The following FBXL2 variants were observed in gnomAD, a reference collection of about 807,000 sequenced individuals.
FBXL2 encodes F-box and leucine rich repeat protein 2.
In FBXL2, 38 loss-of-function variants were observed where a neutral mutation model predicts 69.2. That is an observed-to-expected ratio of 0.55 (90% CI 0.42 to 0.72). The LOEUF is 0.72. FBXL2 is among the 30% of genes least tolerant of loss of function. The probability of loss-of-function intolerance (pLI) is 0.00; values close to 1 mark genes in which losing one functional copy is unlikely to be tolerated. For synonymous variants in FBXL2, 192 were observed against 201.3 expected (o/e 0.95, Z 0.39); for missense variants, 354 against 520.3 (o/e 0.68, Z 3.11).
chr3:33,355,821 G>A (rs981052606), intron 2 of FBXL2, among the ~76,000 whole-genome samples: 1 of 152,166 alleles, frequency 6.6e-6, no homozygotes, highest in Non-Finnish European at 1.5e-5. Flanking sequence ...CACTCATGTC[G>A]CTATCTCCGT....
chr3:33,407,036 C>T (rs1257668768), downstream of FBXL2, among the ~76,000 whole-genome samples: 1 of 152,160 alleles, frequency 6.6e-6, no homozygotes, highest in Non-Finnish European at 1.5e-5. Context: ...AAATGTTGGC[C>T]TTCCTTTGTA....
chr3:33,409,375 A>C, the FBXL2 span: 2 of 1,613,940 alleles, frequency 1.2e-6, no homozygotes, highest in East Asian at 2.2e-5. Flanking sequence ...TATTTCATCT[A>C]TCAGGCTGCA....
intron 4 of FBXL2, among the ~76,000 whole-genome samples, chr3:33,362,437 A>G (rs2041688934): frequency 6.6e-6 from 1 of 152,208 alleles, no homozygotes; most frequent in Non-Finnish European, 1.5e-5. Context: ...TCTAGTAGAT[A>G]AGACACAGAG....
chr3:33,338,070 C>T (rs1296569690), intron 2 of FBXL2, among the ~76,000 whole-genome samples: 1 of 152,108 alleles, frequency 6.6e-6, no homozygotes, highest in Non-Finnish European at 1.5e-5. Context: ...TTATTCCTAT[C>T]AAAATGCTAA....
At chr3:33,293,631 T>C (rs1355788038) in intron 1 of FBXL2, among the ~76,000 whole-genome samples, 1 of 147,792 alleles carries the variant, frequency 6.8e-6, no homozygotes, top group African/African-American at 2.4e-5. Flanking sequence ...CTATTCTAAT[T>C]GCTAGAAAGT....
chr3:33,303,171 C>G (rs1283551056), intron 2 of FBXL2: 1 of 456,566 alleles, frequency 2.2e-6, no homozygotes, highest in East Asian at 6.9e-5. Context: ...GTAAGATGCT[C>G]TTTTGGGGGT....
Position 33,387,818 on chromosome 3 carries a change from C to T in FBXL2, c.*2210C>T, listed in dbSNP as rs1405920674. On this transcript the variant is annotated 3_prime_UTR_variant, in exon 15 of 15. Transcript: ENST00000484457. ...GCACGGTGGCTCACGCCTGTAATCC[C>T]AGCACTTTGGGAGGCAGAGGCGGGC... 6.6e-6 allele frequency: 1 copy of T among 152,192 alleles called. No homozygotes were observed. The highest frequency in any genetic ancestry group is 1.5e-5 in the Non-Finnish European group (1 of 68,174). 9.4% of individuals were successfully genotyped at this position (152,192 alleles called of 1,614,324 possible).
intron 1 of FBXL2, among the ~76,000 whole-genome samples, chr3:33,283,569 A>C (rs530354743): frequency 9.7e-4 from 148 of 152,294 alleles, no homozygotes; most frequent in African/African-American, 3.5e-3. Context: ...TCATAAAATG[A>C]GTTAGGGAGG....
intron 1 of FBXL2, among the ~76,000 whole-genome samples, chr3:33,284,052 A>G (rs935212064): frequency 6.6e-6 from 1 of 151,920 alleles, no homozygotes; most frequent in Non-Finnish European, 1.5e-5. Flanking sequence ...TATCTCCTTC[A>G]GTTCTGCTCT....
chr3:33,420,008 T>C, the FBXL2 span, among the ~76,000 whole-genome samples: 1 of 152,156 alleles, frequency 6.6e-6, no homozygotes, highest in Non-Finnish European at 1.5e-5. Flanking sequence ...AGTTGAAAAA[T>C]ATAACTGTTG....
intron 5 of FBXL2, among the ~76,000 whole-genome samples, chr3:33,365,108 A>G (rs1045599295): frequency 6.6e-6 from 1 of 152,204 alleles, no homozygotes; most frequent in African/African-American, 2.4e-5. Context: ...ACCTTTATAT[A>G]TAAATTTTAC....
chr3:33,342,404 A>AT (rs1335945389), intron 2 of FBXL2, among the ~76,000 whole-genome samples: 1 of 151,548 alleles, frequency 6.6e-6, no homozygotes, highest in African/African-American at 2.4e-5. Flanking sequence ...AAGAAAAAAC[A>AT]TTAAGACTTG....
chr3:33,373,656 G>A lies in FBXL2; in HGVS notation c.534G>A (p.Val178=). The part of the protein sequence containing the change: ...QITKDGIEAL[V]RGCRGLKALL... ...CGAAGGATGGCATCGAGGCACTGGT[G>A]CGAGGTTGTCGAGGCCTGAAAGCCC... The change falls in exon 8 of 15, where the codon GTG becomes GTA. Residue 178 remains valine (V), a synonymous_variant. Transcript: ENST00000484457. 2 of 1,614,178 alleles carry A rather than the reference G, an allele frequency of 1.2e-6. No homozygotes were observed. Among genetic ancestry groups the A allele is most frequent in the Non-Finnish European group, 1.7e-6 (2 of 1,180,030 alleles).
At chr3:33,384,299 G>A (rs2043264635) in intron 14 of FBXL2, 98 bp downstream of exon 14, 13 of 1,193,626 alleles carry the variant, frequency 1.1e-5, no homozygotes, top group Middle Eastern at 2.7e-4. Flanking sequence ...GGTGGCTCAC[G>A]CCTGTAATCC....
intron 5 of FBXL2, among the ~76,000 whole-genome samples, chr3:33,366,947 T>A (rs1351179569): frequency 6.6e-6 from 1 of 152,090 alleles, no homozygotes; most frequent in Non-Finnish European, 1.5e-5. Flanking sequence ...CAAAAATAAA[T>A]AAATTAAATA....
At chr3:33,326,382 A>G (rs555722393) in intron 2 of FBXL2, among the ~76,000 whole-genome samples, 116 of 152,206 alleles carry the variant, frequency 7.6e-4, no homozygotes, top group Non-Finnish European at 1.4e-3. Flanking sequence ...AGGCACCTGT[A>G]GTCCCAGCTA....
intron 2 of FBXL2, among the ~76,000 whole-genome samples, chr3:33,350,655 C>CT (rs1445563039): frequency 6.6e-6 from 1 of 151,988 alleles, no homozygotes; most frequent in Non-Finnish European, 1.5e-5. Context: ...AGGCTAGTCT[C>CT]AAACTCCTGA....
chr3:33,414,280 G>C, the FBXL2 span: 2 of 152,114 alleles, frequency 1.3e-5, no homozygotes, highest in Non-Finnish European at 2.9e-5. Flanking sequence ...GAAAAAGAAA[G>C]AGAGGGAGGA....
chr3:33,319,375 A>G (rs1006283246), intron 2 of FBXL2, among the ~76,000 whole-genome samples: 1 of 152,200 alleles, frequency 6.6e-6, no homozygotes, highest in Admixed American at 6.5e-5. Flanking sequence ...GTAATTCATC[A>G]AGTGGATGTA....
Sources: gnomAD v4.1 joint callset for allele counts (sites outside exome capture counted in the v4.1 genomes callset) on GRCh38, gnomAD v4.1.1 for gene constraint, MANE v1.5 for transcripts, NCBI Gene and HGNC (gene_info 2026-07-23, HGNC 2026-07-21) for gene names.